IL1R2: variants seen among roughly 807,000 people sequenced by gnomAD.
The protein encoded by IL1R2 is interleukin 1 receptor type 2.
In IL1R2, 46 loss-of-function variants were observed where a neutral mutation model predicts 39.5. The ratio of observed to expected loss-of-function variants is 1.16; its 90% confidence interval spans 0.92 to 1.49. The LOEUF is 1.49. IL1R2 is among the 40% of genes most tolerant of loss of function. IL1R2 has a pLI of 0.00. For missense variants in IL1R2, 537 were observed against 502.0 expected, an observed-to-expected ratio of 1.07 and a Z score of -0.67; for synonymous variants, 207 against 189.6, an observed-to-expected ratio of 1.09 and a Z score of -0.75.
chr2:102,026,028 G>GACAT (rs1362607010), intron 7 of IL1R2, 83 bp from the exon 8 acceptor site: 10 of 1,079,984 alleles, frequency 9.3e-6, no homozygotes, highest in African/African-American at 3.2e-5. Flanking sequence ...TACTTCTAAA[G>GACAT]GAGAGTGTTT....
chr2:102,004,470 G>T, intron 1 of IL1R2, among the ~76,000 whole-genome samples: 1 of 144,586 alleles, frequency 6.9e-6, no homozygotes, highest in Admixed American at 7.0e-5. Flanking sequence ...TATGTTGAAT[G>T]TGGTGAAACA....
intron 1 of IL1R2, among the ~76,000 whole-genome samples, chr2:102,007,110 G>A (rs1308126409): frequency 1.3e-5 from 2 of 152,160 alleles, no homozygotes; most frequent in Non-Finnish European, 2.9e-5. Flanking sequence ...ACACCATTCA[G>A]TTCTGGGGTC....
chr2:102,002,729 CCTATGT>C (rs1319201548), intron 1 of IL1R2, among the ~76,000 whole-genome samples: 2 of 20,154 alleles, frequency 9.9e-5, no homozygotes, highest in African/African-American at 2.3e-4. Flanking sequence ...TATGCCTATG[CCTATGT>C]CTATGTCTAT....
At chr2:102,025,917 G>A (rs901785481) in intron 7 of IL1R2, among the ~76,000 whole-genome samples, 194 bp from the exon 8 acceptor site, 8 of 152,108 alleles carry the variant, frequency 5.3e-5, no homozygotes, top group African/African-American at 1.9e-4. Flanking sequence ...TGACACTAAG[G>A]CCTTCAGGGA....
At chr2:102,013,581 G>GAAAAAAAAAAAAAA (rs1559421510) in intron 3 of IL1R2, among the ~76,000 whole-genome samples, 1 of 28,494 alleles carries the variant, frequency 3.5e-5, no homozygotes, top group Non-Finnish European at 7.2e-5. Context: ...AGAAGGAAAA[G>GAAAAAAAAAAAAAA]AAAAAGAAAA....
At chr2:101,996,458 A>G (rs1378673621) in intron 1 of IL1R2, among the ~76,000 whole-genome samples, 1 of 147,384 alleles carries the variant, frequency 6.8e-6, no homozygotes, top group African/African-American at 2.5e-5. Context: ...CACACAGTAG[A>G]GATAAAAATC....
At chr2:102,003,761 T>C (rs1255964937) in intron 1 of IL1R2, among the ~76,000 whole-genome samples, 1 of 151,806 alleles carries the variant, frequency 6.6e-6, no homozygotes, top group Non-Finnish European at 1.5e-5. Context: ...TGTCTGTGTC[T>C]AGGTCTATGT....
At chr2:102,016,125 A>G (rs902331818) in intron 4 of IL1R2, 74 bp downstream of exon 4, 1 of 1,205,038 alleles carries the variant, frequency 8.3e-7, no homozygotes, top group African/African-American at 1.5e-5. Flanking sequence ...AAGACTTAAA[A>G]TATCGATTTT....
intron 1 of IL1R2, among the ~76,000 whole-genome samples, chr2:101,995,207 G>C (rs986561764): frequency 6.6e-6 from 1 of 152,214 alleles, no homozygotes; most frequent in South Asian, 2.1e-4. Context: ...TACATGTGCT[G>C]GGTGGGCCTG....
chr2:102,024,406 T>C (rs978425318), intron 6 of IL1R2, 127 bp from the exon 7 acceptor site: 4 of 691,238 alleles, frequency 5.8e-6, no homozygotes, highest in Non-Finnish European at 1.1e-5. Context: ...AACTAAATTT[T>C]CTACCAAGGA....
chr2:101,996,485 G>GTTTTTTTTT (rs11382814), intron 1 of IL1R2, among the ~76,000 whole-genome samples: 1 of 82,420 alleles, frequency 1.2e-5, no homozygotes, highest in South Asian at 5.0e-4. Context: ...TGTTTTCAGT[G>GTTTTTTTTT]TTTTTTTTTT....
chr2:102,026,713 GC>G (rs1677768269), intron 8 of IL1R2, among the ~76,000 whole-genome samples: 1 of 152,118 alleles, frequency 6.6e-6, no homozygotes, highest in Non-Finnish European at 1.5e-5. Context: ...TAGGTACAAG[GC>G]TACAGCCAAA....
chr2:101,993,568 CT>C (rs1165107039), intron 1 of IL1R2, among the ~76,000 whole-genome samples: 5 of 152,134 alleles, frequency 3.3e-5, no homozygotes, highest in Admixed American at 2.6e-4. Flanking sequence ...TTGTTTCTCT[CT>C]GTCTGCCTGT....
chr2:101,998,204 A>G (rs1675683130), intron 1 of IL1R2, among the ~76,000 whole-genome samples: 2 of 152,204 alleles, frequency 1.3e-5, no homozygotes, highest in Non-Finnish European at 2.9e-5. Flanking sequence ...AGGAGCATCA[A>G]TTGTTTTGTG....
At chr2:102,025,420 A>G (rs752295843) in intron 7 of IL1R2, among the ~76,000 whole-genome samples, 9 of 152,218 alleles carry the variant, frequency 5.9e-5, no homozygotes, top group Admixed American at 1.3e-4. Context: ...GCAAGTTCTC[A>G]TTGCAAAAGA....
chr2:102,027,413 C>A (rs1677805205), intron 8 of IL1R2, among the ~76,000 whole-genome samples: 1 of 152,158 alleles, frequency 6.6e-6, no homozygotes, highest in Admixed American at 6.5e-5. Flanking sequence ...ATAACATGAG[C>A]CTTGTCCCTG....
intron 1 of IL1R2, among the ~76,000 whole-genome samples, chr2:101,998,196 G>A (rs1466161624): frequency 6.6e-6 from 1 of 152,190 alleles, no homozygotes; most frequent in African/African-American, 2.4e-5. Context: ...AAATCATTAG[G>A]AGCATCAATT....
chr2:102,011,651 C>T (rs1051435100), intron 3 of IL1R2, among the ~76,000 whole-genome samples: 2 of 152,150 alleles, frequency 1.3e-5, no homozygotes, highest in African/African-American at 2.4e-5. Context: ...GGTTATTAAC[C>T]CCTTGCCTTA....
intron 4 of IL1R2, among the ~76,000 whole-genome samples, chr2:102,017,749 A>T (rs1677100084): frequency 6.8e-6 from 1 of 146,482 alleles, no homozygotes; most frequent in East Asian, 2.1e-4. Context: ...ACACAGCCAC[A>T]TCCTCTTGTT....
Sources: gnomAD v4.1 joint callset for allele counts (sites outside exome capture counted in the v4.1 genomes callset) on GRCh38, gnomAD v4.1.1 for gene constraint, MANE v1.5 for transcripts, NCBI Gene and HGNC (gene_info 2026-07-23, HGNC 2026-07-21) for gene names.